SLC3A2: variants seen among roughly 807,000 people sequenced by gnomAD.
The protein encoded by SLC3A2 is solute carrier family 3 member 2.
In SLC3A2, 32 loss-of-function variants were observed where a neutral mutation model predicts 48.5. The observed-to-expected ratio is 0.66, with a 90% CI of 0.50 to 0.89. SLC3A2 has a LOEUF of 0.89. SLC3A2 is among the 40% of genes least tolerant of loss of function. The pLI is 0.00. For synonymous variants in SLC3A2, 277 were observed against 288.8 expected (o/e 0.96, Z 0.41); for missense variants, 587 against 680.7 (o/e 0.86, Z 1.53).
At chr11:62,877,702 T>G (rs1043831955), upstream of SLC3A2, among the ~76,000 whole-genome samples, 1 of 152,234 alleles carries the variant, frequency 6.6e-6, no homozygotes, top group Non-Finnish European at 1.5e-5. Context: ...AGCAGAGGTA[T>G]GGCATGTACA....
upstream of SLC3A2, chr11:62,880,646 A>G (rs2135006141): frequency 5.4e-6 from 1 of 185,190 alleles, no homozygotes; most frequent in South Asian, 1.2e-4. Flanking sequence ...TTGGGGCAGG[A>G]TCACAGGCCT....
intron 1 of SLC3A2, among the ~76,000 whole-genome samples, chr11:62,867,037 C>G (rs2085459772): frequency 6.6e-6 from 1 of 152,018 alleles, no homozygotes; most frequent in Admixed American, 6.6e-5. Context: ...GTTGTGCAGG[C>G]TGGAGTGCGA....
At chr11:62,867,961 G>C (rs921898686) in intron 1 of SLC3A2, among the ~76,000 whole-genome samples, 1 of 150,138 alleles carries the variant, frequency 6.7e-6, no homozygotes, top group East Asian at 2.0e-4. Flanking sequence ...CACTCTTGTC[G>C]CCCAGGCTGG....
rs1372447111 is a variant in SLC3A2 at position 62,882,006 on chromosome 11, G to A, written c.538G>A (p.Asp180Asn). 2 of 1,614,162 alleles carry A rather than the reference G, an allele frequency of 1.2e-6. No individual in the cohort carries two copies. Among genetic ancestry groups the A allele is most frequent in the South Asian group, 1.1e-5 (1 of 91,078 alleles). The change falls in exon 2 of 9, where the codon GAC becomes AAC. Residue 180 changes from aspartate (D) to asparagine (N), a missense_variant. By Grantham distance (23) the Asp-to-Asn change is conservative. Coordinates refer to ENST00000338663, the MANE Select transcript of SLC3A2 (RefSeq NM_001013251.3). ...DVAQTDLLQIDPNFGSKEDFD... is the reference protein window; with the variant it reads ...DVAQTDLLQINPNFGSKEDFD... ...CGCTCAGACTGACTTGCTGCAGATCGACCCCAATTTTGGCTCCAAGGAAGA... is the reference window on the plus strand; with the variant it reads ...CGCTCAGACTGACTTGCTGCAGATCAACCCCAATTTTGGCTCCAAGGAAGA...
In SLC3A2 at chr11:62,856,402, C is replaced by T. The variant is rs748601213; in HGVS notation, c.112+21C>T. On this transcript the variant is annotated intron_variant, in intron 1 of 9. Transcript: ENST00000377889. ...CTCAGGTACTGGATCCCGGGCTAAG[C>T]TCGGGAGGAGGTCCCCTTTGGTGGG... is the stretch of plus-strand genomic sequence containing the variant. 23 of 1,586,484 alleles carry T rather than the reference C, an allele frequency of 1.4e-5. No individual in the cohort carries two copies. In the African/African-American group the frequency reaches 2.8e-4, roughly 19 times the overall value.
At position 62,881,255 on chromosome 11, in the gene SLC3A2, G is replaced by T; in HGVS notation, c.232G>T (p.Val78Leu). Residue 78 changes from valine to leucine, a missense_variant, in exon 1 of 9, where the codon GTA (valine) becomes TTA (leucine). Val to Leu is a conservative substitution (Grantham distance 32). Around this residue, in one of 3 missense-constraint regions of SLC3A2, gnomAD observed 409 missense variants for 446.7 expected, o/e 0.92. Coordinates refer to ENST00000338663, the MANE Select transcript of SLC3A2 (RefSeq NM_001013251.3). This position sits in a 1 kb window ranked among gnomAD's most constrained non-coding sequence, Gnocchi z 4.0. ...GAAGGTGGCAGGCAGCCCCGGCTGGGTACGCACCCGCTGGGCACTGCTGCT... is the reference window on the plus strand; with the variant it reads ...GAAGGTGGCAGGCAGCCCCGGCTGGTTACGCACCCGCTGGGCACTGCTGCT... Reference protein sequence around the residue: ...LLKVAGSPGWVRTRWALLLLF... With the variant: ...LLKVAGSPGWLRTRWALLLLF... 1.3e-6 allele frequency: 2 copies of T among 1,584,894 alleles called. No homozygotes were observed. The highest frequency in any genetic ancestry group is 3.7e-5 in the Admixed American group (2 of 54,018).
Position 62,881,544 on chromosome 11 carries a change from TC to T in SLC3A2, c.424+100del, listed in dbSNP as rs1025306839. The T allele has an allele frequency of 1.9e-5, 27 of 1,444,566 alleles. No homozygotes were observed. Among genetic ancestry groups the T allele is most frequent in the African/African-American group, 4.2e-5 (3 of 70,692 alleles). 89.5% of individuals were successfully genotyped at this position (1,444,566 alleles called of 1,614,324 possible). A position where few individuals can be genotyped will look rare whatever the true frequency, so the allele number is the denominator to read the frequency against. On this transcript the variant is annotated intron_variant, in intron 1 of 8. Transcript: ENST00000338663. This position sits in a 1 kb window ranked among gnomAD's most constrained non-coding sequence, Gnocchi z 4.0. ...TCCCCAGACGGATCTAGATGGTTCT[TC>T]CCTCCATCCCGTACCGACGACTGTT...
Position 62,885,320 on chromosome 11 carries a change from A to G in SLC3A2, c.962A>G (p.Tyr321Cys). 1 of 1,614,222 alleles carries G rather than the reference A, an allele frequency of 6.2e-7. No individual in the cohort carries two copies. Among genetic ancestry groups the G allele is most frequent in the Non-Finnish European group, 8.5e-7 (1 of 1,180,036 alleles). The change falls in exon 6 of 9, where the codon TAT becomes TGT. Residue 321 changes from tyrosine to cysteine, a missense_variant. By Grantham distance (194) the Tyr-to-Cys change is radical. Coordinates refer to ENST00000338663, the MANE Select transcript of SLC3A2 (RefSeq NM_001013251.3). ...CATACAAAATCCCTAGTCACACAGT[A>G]TTTGAATGCCACTGGCAATCGCTGG... ...GEHTKSLVTQ[Y>C]LNATGNRWCS...
chr11:62,884,281 T>C, intron 3 of SLC3A2, 176 bp from the exon 4 acceptor site: 2 of 640,654 alleles, frequency 3.1e-6, no homozygotes. Context: ...AGGGTAGAGC[T>C]GGAGGGGTCC....
At chr11:62,885,141 T>C in intron 5 of SLC3A2, 36 bp from the exon 6 acceptor site, 2 of 1,608,706 alleles carry the variant, frequency 1.2e-6, no homozygotes, top group South Asian at 1.1e-5. Context: ...CCATTCTTTC[T>C]TGTGCTAACC....
At chr11:62,862,819 C>A (rs1005587325) in intron 1 of SLC3A2, among the ~76,000 whole-genome samples, 1 of 152,140 alleles carries the variant, frequency 6.6e-6, no homozygotes, top group African/African-American at 2.4e-5. Context: ...AGCAACCCTG[C>A]CCCCACCTGG....
intron 1 of SLC3A2, among the ~76,000 whole-genome samples, chr11:62,861,104 C>T (rs2085393495): frequency 6.6e-6 from 1 of 152,010 alleles, no homozygotes; most frequent in Non-Finnish European, 1.5e-5. Flanking sequence ...CTTTGGGAGG[C>T]CAAGGCAAGC....
At chr11:62,878,883 T>C (rs2085598940), upstream of SLC3A2, among the ~76,000 whole-genome samples, 1 of 151,836 alleles carries the variant, frequency 6.6e-6, no homozygotes, top group Non-Finnish European at 1.5e-5. Context: ...CAAGCGATTC[T>C]CATGCCTCAC....
Position 62,884,174 on chromosome 11 carries a change from C to G in SLC3A2, c.691-283C>G, listed in dbSNP as rs1208010148. On this transcript the variant is annotated intron_variant, in intron 3 of 8. Coordinates refer to ENST00000338663, the MANE Select transcript of SLC3A2 (RefSeq NM_001013251.3). Reference sequence around the variant, plus strand: ...TTATGTTTATGGACATACCTTTTCTCTGGGGCCTTTTCTGTGGCTTTCAAA... The same window carrying G: ...TTATGTTTATGGACATACCTTTTCTGTGGGGCCTTTTCTGTGGCTTTCAAA... 9 of 560,884 alleles carry G rather than the reference C, an allele frequency of 1.6e-5. No homozygotes were observed. The East Asian group carries it at 2.6e-4, about 16-fold the overall frequency. The allele number at this position is 560,884 out of a possible 1,614,324, so 34.7% of individuals were successfully genotyped here.
chr11:62,866,412 T>TG (rs1351318327), intron 1 of SLC3A2, among the ~76,000 whole-genome samples: 16 of 151,394 alleles, frequency 1.1e-4, no homozygotes, highest in Admixed American at 5.3e-4. Flanking sequence ...TTTTGGCAGG[T>TG]GGGGGGGTGG....
intron 1 of SLC3A2, among the ~76,000 whole-genome samples, chr11:62,874,918 G>T (rs753351074): frequency 6.6e-6 from 1 of 151,816 alleles, no homozygotes; most frequent in African/African-American, 2.4e-5. Context: ...ACCCGCCATC[G>T]TGTGCGACTA....
intron 3 of SLC3A2, 66 bp from the exon 4 acceptor site, chr11:62,884,391 G>A: frequency 6.4e-7 from 1 of 1,572,628 alleles, no homozygotes; most frequent in Non-Finnish European, 8.8e-7. Context: ...GTTTAGTGTG[G>A]GCTGGAATTT....
chr11:62,870,526 A>T (rs1161624174), intron 1 of SLC3A2, among the ~76,000 whole-genome samples: 1 of 151,838 alleles, frequency 6.6e-6, no homozygotes, highest in Non-Finnish European at 1.5e-5. Flanking sequence ...GGTGTGAAGT[A>T]GTGATCTAAT....
In SLC3A2 at chr11:62,888,233, T is replaced by A; in HGVS notation, c.1227+15T>A. 1 of 1,613,728 alleles carries A rather than the reference T, an allele frequency of 6.2e-7. No homozygotes were observed. Among genetic ancestry groups the A allele is most frequent in the Non-Finnish European group, 8.5e-7 (1 of 1,179,666 alleles). On this transcript the variant is annotated intron_variant, in intron 8 of 8. Transcript: ENST00000338663. Reference sequence around the variant, plus strand: ...TGACTGTGAAGGTAAGAGTTCTAGATGGGTAGAAACTGACCGGTGGAGGGT... The same window carrying A: ...TGACTGTGAAGGTAAGAGTTCTAGAAGGGTAGAAACTGACCGGTGGAGGGT...
Sources: allele counts gnomAD v4.1 joint callset (sites outside exome capture counted in the v4.1 genomes callset), GRCh38; gene constraint gnomAD v4.1.1; regional missense constraint gnomAD v4.1.1; non-coding constraint Gnocchi (gnomAD v3.1); transcripts MANE v1.5; gene names NCBI Gene and HGNC (gene_info 2026-07-23, HGNC 2026-07-21).